Variants in SERINC5 observed in about 807,000 individuals in gnomAD.
SERINC5 encodes serine incorporator 5.
In SERINC5, 41 loss-of-function variants were observed where a neutral mutation model predicts 63.1. The ratio of observed to expected loss-of-function variants is 0.65; its 90% CI spans 0.51 to 0.84. SERINC5 has a LOEUF of 0.84. SERINC5 is among the 40% of genes least tolerant of loss of function. The pLI is 0.00. For synonymous variants in SERINC5, 222 were observed against 215.2 expected (o/e 1.03, Z -0.28); for missense variants, 523 against 573.0 (o/e 0.91, Z 0.89).
intron 11 of SERINC5, among the ~76,000 whole-genome samples, chr5:80,118,289 AC>A (rs1744410354): frequency 6.6e-6 from 1 of 152,226 alleles, no homozygotes; most frequent in Admixed American, 6.5e-5. Context: ...TGCAAAGTTA[AC>A]ATTTACAGTT....
intron 1 of SERINC5, among the ~76,000 whole-genome samples, chr5:80,209,313 G>T (rs1403323173): frequency 3.3e-5 from 5 of 152,116 alleles, no homozygotes; most frequent in Non-Finnish European, 7.4e-5. Flanking sequence ...CACTGGGGTG[G>T]TCCCTAATCC....
chr5:80,228,287 GGAAA>G (rs1751262776), intron 1 of SERINC5, among the ~76,000 whole-genome samples: 1 of 80,824 alleles, frequency 1.2e-5, no homozygotes, highest in Non-Finnish European at 2.3e-5. Flanking sequence ...AGGGAGGGAG[GGAAA>G]GGAGGGAGGG....
At chr5:80,224,931 T>TG (rs764824956) in intron 1 of SERINC5, among the ~76,000 whole-genome samples, 5 of 69,270 alleles carry the variant, frequency 7.2e-5, no homozygotes, top group Non-Finnish European at 1.5e-4. Flanking sequence ...GCGTTTTTTT[T>TG]TTTGTTTTTT....
chr5:80,221,066 C>A (rs1304313111), intron 1 of SERINC5, among the ~76,000 whole-genome samples: 1 of 152,154 alleles, frequency 6.6e-6, no homozygotes, highest in Admixed American at 6.5e-5. Context: ...AGAGAGCACT[C>A]GGCCATGCTA....
intron 5 of SERINC5, 37 bp from the exon 6 acceptor site, chr5:80,169,583 G>A (rs999890517): frequency 1.9e-6 from 3 of 1,550,396 alleles, no homozygotes; most frequent in East Asian, 2.3e-5. Flanking sequence ...GGAGAGGAGA[G>A]AAGACAAGTC....
chr5:80,252,283 C>T (rs1752464474), intron 1 of SERINC5, among the ~76,000 whole-genome samples: 1 of 152,090 alleles, frequency 6.6e-6, no homozygotes, highest in Non-Finnish European at 1.5e-5. Flanking sequence ...TGGTCTCGAA[C>T]TCCTGGCCTC....
intron 1 of SERINC5, among the ~76,000 whole-genome samples, chr5:80,217,563 G>C (rs1365802423): frequency 6.6e-6 from 1 of 152,208 alleles, no homozygotes; most frequent in Non-Finnish European, 1.5e-5. Context: ...TTAGCGGCGA[G>C]TGAGCTCTTC....
chr5:80,135,335 A>C (rs1182996142), downstream of SERINC5, among the ~76,000 whole-genome samples: 1 of 152,114 alleles, frequency 6.6e-6, no homozygotes, highest in Non-Finnish European at 1.5e-5. Flanking sequence ...CGCCAGGCCC[A>C]ATCACGCTTT....
chr5:80,121,380 G>A (rs1744537473), intron 11 of SERINC5, among the ~76,000 whole-genome samples: 1 of 152,104 alleles, frequency 6.6e-6, no homozygotes, highest in Non-Finnish European at 1.5e-5. Flanking sequence ...GTGTGGTGGT[G>A]AGGAATCTCA....
intron 1 of SERINC5, among the ~76,000 whole-genome samples, chr5:80,244,736 C>T (rs1301940479): frequency 2.0e-5 from 3 of 152,020 alleles, no homozygotes; most frequent in East Asian, 1.9e-4. Context: ...GCAGGAGAAA[C>T]GCTTGAACCC....
chr5:80,131,848 C>G (rs898696224), intron 11 of SERINC5, among the ~76,000 whole-genome samples: 8 of 152,128 alleles, frequency 5.3e-5, no homozygotes, highest in South Asian at 2.1e-4. Flanking sequence ...TGAGCCTAAA[C>G]CAATCCTGAC....
intron 1 of SERINC5, among the ~76,000 whole-genome samples, chr5:80,246,081 A>G (rs1752158444): frequency 6.6e-6 from 1 of 152,036 alleles, no homozygotes; most frequent in Admixed American, 6.6e-5. Flanking sequence ...ATAGAATCCT[A>G]TTAGAGCAAA....
intron 6 of SERINC5, among the ~76,000 whole-genome samples, chr5:80,167,655 C>T (rs1394423135): frequency 6.6e-6 from 1 of 152,158 alleles, no homozygotes; most frequent in African/African-American, 2.4e-5. Context: ...CTGCTTTCCA[C>T]TATGGTTGAA....
At chr5:80,126,465 C>A (rs1256585025) in intron 11 of SERINC5, among the ~76,000 whole-genome samples, 1 of 152,144 alleles carries the variant, frequency 6.6e-6, no homozygotes, top group Non-Finnish European at 1.5e-5. Flanking sequence ...AAGCCTTTCT[C>A]CACCCAACTA....
intron 2 of SERINC5, among the ~76,000 whole-genome samples, chr5:80,179,011 T>C (rs1206169395): frequency 2.6e-5 from 4 of 152,242 alleles, no homozygotes; most frequent in African/African-American, 9.6e-5. Context: ...CAATTAACAA[T>C]AAGCTGGGCC....
rs1291705445 is a variant in SERINC5, at chr5:80,138,979, C to G, written c.*4684G>C. On this transcript the variant is annotated 3_prime_UTR_variant, in exon 12 of 12. Transcript: ENST00000507668. ...AAAGCCTAGTCAATTCAGATGCTTT[C>G]TAGAAAAATTAACATTAAAAAACAA... The G allele has an allele frequency of 2.0e-6, 2 of 979,116 alleles. No individual in the cohort carries two copies. Among genetic ancestry groups the G allele is most frequent in the African/African-American group, 3.5e-5 (2 of 57,032 alleles). The allele number at this position is 979,116 out of a possible 1,614,324, so 60.7% of individuals were successfully genotyped here.
chr5:80,171,916 G>A (rs1369120125), intron 5 of SERINC5, among the ~76,000 whole-genome samples: 1 of 151,482 alleles, frequency 6.6e-6, no homozygotes, highest in Non-Finnish European at 1.5e-5. Flanking sequence ...AGGAAAGAAA[G>A]AAAAAGATGA....
intron 2 of SERINC5, among the ~76,000 whole-genome samples, chr5:80,190,422 ATTTAGAG>A (rs1000289638): frequency 6.6e-6 from 1 of 152,102 alleles, no homozygotes; most frequent in African/African-American, 2.4e-5. Context: ...AATCCAGTGA[ATTTAGAG>A]TTTGCATGTA....
chr5:80,208,556 T>G (rs532513576), intron 1 of SERINC5, among the ~76,000 whole-genome samples: 48 of 152,252 alleles, frequency 3.2e-4, no homozygotes, highest in African/African-American at 1.2e-3. Flanking sequence ...AAGTTCACAA[T>G]TGCATGCTAT....
Sources: allele counts gnomAD v4.1 joint callset (sites outside exome capture counted in the v4.1 genomes callset), GRCh38; gene constraint gnomAD v4.1.1; transcripts MANE v1.5; gene names NCBI Gene and HGNC (gene_info 2026-07-23, HGNC 2026-07-21).